Variants in WWOX observed in about 807,000 individuals in gnomAD.
WWOX encodes WW domain-containing oxidoreductase.
Under a neutral mutation model 46.2 loss-of-function variants are expected in WWOX, and 69 were observed. That is an observed-to-expected ratio of 1.49 (90% CI 1.23 to 1.82). WWOX has a LOEUF of 1.82. WWOX is among the 40% of genes most tolerant of loss of function. The pLI is 0.00. For synonymous variants in WWOX, 359 were observed against 202.6 expected, an observed-to-expected ratio of 1.77 and a Z score of -6.56; for missense variants, 919 against 542.6, an observed-to-expected ratio of 1.69 and a Z score of -6.89.
At chr16:78,668,278 C>T (rs972298981) in intron 8 of WWOX, among the ~76,000 whole-genome samples, 1 of 152,152 alleles carries the variant, frequency 6.6e-6, no homozygotes, top group Non-Finnish European at 1.5e-5. Context: ...AAGACTTTGT[C>T]TCAAACAAAC....
chr16:78,161,341 G>T (rs2034786798), intron 4 of WWOX, among the ~76,000 whole-genome samples: 1 of 151,872 alleles, frequency 6.6e-6, no homozygotes, highest in African/African-American at 2.4e-5. Context: ...TTGGCTTCCT[G>T]TTAAGTTATT....
chr16:78,598,329 G>A (rs546805048), intron 8 of WWOX, among the ~76,000 whole-genome samples: 1 of 152,202 alleles, frequency 6.6e-6, no homozygotes, highest in Non-Finnish European at 1.5e-5. Context: ...TGTCTGTCAC[G>A]TGGGAGGATT....
chr16:79,011,781 C>G (rs141929915), intron 8 of WWOX, among the ~76,000 whole-genome samples: 1 of 152,142 alleles, frequency 6.6e-6, no homozygotes, highest in South Asian at 2.1e-4. Context: ...GCATGAGCCA[C>G]CATGCCCGGC....
At chr16:78,778,074 A>G (rs1217997362) in intron 8 of WWOX, among the ~76,000 whole-genome samples, 10 of 149,576 alleles carry the variant, frequency 6.7e-5, no homozygotes. Context: ...AGACATTTAC[A>G]TTTTATCTTT....
intron 8 of WWOX, among the ~76,000 whole-genome samples, chr16:79,210,783 G>C (rs987351153): frequency 6.6e-6 from 1 of 152,088 alleles, no homozygotes; most frequent in African/African-American, 2.4e-5. Context: ...CTGTCAGTTT[G>C]GATGATATGA....
At chr16:78,275,995 T>C (rs1428520843) in intron 5 of WWOX, among the ~76,000 whole-genome samples, 1 of 152,204 alleles carries the variant, frequency 6.6e-6, no homozygotes, top group African/African-American at 2.4e-5. Flanking sequence ...CCAAACTTCC[T>C]GGGCTTCATT....
chr16:78,315,340 G>C (rs1176786556), intron 5 of WWOX, among the ~76,000 whole-genome samples: 1 of 152,122 alleles, frequency 6.6e-6, no homozygotes. Flanking sequence ...TCTGTAGTTT[G>C]ATATGATAAA....
chr16:78,536,776 T>C (rs957203872), intron 8 of WWOX, among the ~76,000 whole-genome samples: 1 of 152,122 alleles, frequency 6.6e-6, no homozygotes, highest in Non-Finnish European at 1.5e-5. Context: ...GACTTGCCTC[T>C]AGCTGATGTG....
intron 8 of WWOX, among the ~76,000 whole-genome samples, chr16:78,944,936 T>C (rs1025808052): frequency 1.3e-5 from 2 of 152,108 alleles, no homozygotes; most frequent in African/African-American, 4.8e-5. Flanking sequence ...CCCAGCACTT[T>C]CAGAGGCCGA....
chr16:78,700,312 CAGAGAGAGAGAGAGAGAGAGAGAGAGAG>C lies in WWOX; in HGVS notation c.1056+267582_1056+267609del, dbSNP rs55638553. On this transcript the variant is annotated intron_variant, in intron 8 of 8. Transcript: ENST00000566780. Reference sequence around the variant, plus strand: ...TCTTGCTGTGTCCTCACTTAGTAGACAGAGAGAGAGAGAGAGAGAGAGAGAGAGAGAGAGAGAGAGAGAGAGAGACCAT... The same window carrying C: ...TCTTGCTGTGTCCTCACTTAGTAGACAGAGAGAGAGAGAGAGAGAGACCAT... 4.6e-5 allele frequency among the ~76,000 whole-genome samples: 6 copies of C among 130,552 alleles called. No homozygotes were observed. The East Asian group carries it at 1.4e-3, about 30-fold the overall frequency. The allele number at this position is 130,552 out of a possible 152,430, so 85.6% of individuals were successfully genotyped here.
intron 8 of WWOX, among the ~76,000 whole-genome samples, chr16:78,797,938 T>C (rs564005238): frequency 6.6e-6 from 1 of 152,148 alleles, no homozygotes; most frequent in Non-Finnish European, 1.5e-5. Flanking sequence ...TAGTGAGTCA[T>C]GGTCACACCA....
chr16:78,972,407 A>G (rs535940299), intron 8 of WWOX, among the ~76,000 whole-genome samples: 2 of 151,928 alleles, frequency 1.3e-5, no homozygotes, highest in African/African-American at 4.8e-5. Flanking sequence ...ATTTATATCT[A>G]TAATATTTTA....
chr16:78,761,588 C>G (rs1056723748), intron 8 of WWOX, among the ~76,000 whole-genome samples: 1 of 151,972 alleles, frequency 6.6e-6, no homozygotes, highest in African/African-American at 2.4e-5. Flanking sequence ...AGGACTCTCG[C>G]TGGTCTAGAG....
intron 5 of WWOX, among the ~76,000 whole-genome samples, chr16:78,364,853 C>G (rs2081498155): frequency 6.6e-6 from 1 of 152,194 alleles, no homozygotes; most frequent in African/African-American, 2.4e-5. Context: ...CTTTTTCCTA[C>G]ATGCAGTCGT....
intron 8 of WWOX, among the ~76,000 whole-genome samples, chr16:78,842,883 G>A (rs1008773905): frequency 4.0e-5 from 6 of 149,676 alleles, no homozygotes; most frequent in Non-Finnish European, 9.0e-5. Context: ...TACAAGGGGG[G>A]ATAAAGATAG....
At chr16:79,104,332 A>G (rs2049265118) in intron 8 of WWOX, among the ~76,000 whole-genome samples, 1 of 152,230 alleles carries the variant, frequency 6.6e-6, no homozygotes, top group Non-Finnish European at 1.5e-5. Flanking sequence ...CATAAGACAC[A>G]TCATTTTCCT....
intron 8 of WWOX, among the ~76,000 whole-genome samples, chr16:78,626,183 T>G (rs1370773839): frequency 6.6e-6 from 1 of 151,898 alleles, no homozygotes; most frequent in African/African-American, 2.4e-5. Flanking sequence ...CAGGATGGAG[T>G]GCAGTGGCGC....
intron 5 of WWOX, among the ~76,000 whole-genome samples, chr16:78,182,584 C>G (rs773111515): frequency 6.6e-6 from 1 of 152,120 alleles, no homozygotes; most frequent in South Asian, 2.1e-4. Context: ...TTCTTTTGTT[C>G]AGCACATCGC....
At chr16:78,369,828 C>G (rs1187034662) in intron 5 of WWOX, among the ~76,000 whole-genome samples, 1 of 151,900 alleles carries the variant, frequency 6.6e-6, no homozygotes, top group Admixed American at 6.6e-5. Context: ...AGAGGCAGCA[C>G]AGTGCTGTAA....
Sources: allele counts gnomAD v4.1 joint callset (sites outside exome capture counted in the v4.1 genomes callset), GRCh38; gene constraint gnomAD v4.1.1; transcripts MANE v1.5; gene names NCBI Gene and HGNC (gene_info 2026-07-23, HGNC 2026-07-21).